SOS2: variants seen among roughly 807,000 people sequenced by gnomAD.
SOS2 encodes SOS Ras/Rho guanine nucleotide exchange factor 2, also known as son of sevenless homolog 2.
A neutral mutation model predicts 148.2 loss-of-function variants in SOS2; 65 were observed. The ratio of observed to expected loss-of-function variants is 0.44; its 90% CI spans 0.36 to 0.54. The LOEUF (loss-of-function observed/expected upper bound fraction) is 0.54, where lower values mean the gene tolerates loss of function less well. SOS2 is among the 20% of genes least tolerant of loss of function. The pLI is 0.00. For synonymous variants in SOS2, 539 were observed against 537.1 expected (o/e 1.00, Z -0.05); for missense variants, 1,341 against 1,590.2 (o/e 0.84, Z 2.67).
At chr14:50,166,325 C>CG (rs1394170433) in intron 8 of SOS2, among the ~76,000 whole-genome samples, 11 of 152,042 alleles carry the variant, frequency 7.2e-5, no homozygotes, top group Non-Finnish European at 1.5e-4. Flanking sequence ...CGGGTTCAAG[C>CG]GATCCTCCTG....
At chr14:50,148,726 T>C (rs1884573045) in intron 14 of SOS2, among the ~76,000 whole-genome samples, 1 of 152,320 alleles carries the variant, frequency 6.6e-6, no homozygotes, top group African/African-American at 2.4e-5. Flanking sequence ...AAAGTCTGGT[T>C]CTGAATGGCA....
chr14:50,168,277 C>T (rs1018797689), intron 8 of SOS2, among the ~76,000 whole-genome samples: 1 of 152,014 alleles, frequency 6.6e-6, no homozygotes, highest in Non-Finnish European at 1.5e-5. Context: ...GCTGGAGTGC[C>T]GTGGTGTGAT....
At chr14:50,129,048 G>C (rs1484611574) in intron 21 of SOS2, among the ~76,000 whole-genome samples, 1 of 152,200 alleles carries the variant, frequency 6.6e-6, no homozygotes, top group Admixed American at 6.5e-5. Flanking sequence ...TCCAGATTGA[G>C]AGAATTATAC....
At chr14:50,133,574 C>G (rs779735151) in intron 19 of SOS2, among the ~76,000 whole-genome samples, 26 of 152,152 alleles carry the variant, frequency 1.7e-4, no homozygotes, top group Non-Finnish European at 3.2e-4. Context: ...ACCTGACTTC[C>G]TGCTTCACCT....
At chr14:50,149,902 G>C in intron 14 of SOS2, 106 bp downstream of exon 14, 1 of 786,038 alleles carries the variant, frequency 1.3e-6, no homozygotes, top group Non-Finnish European at 2.2e-6. Flanking sequence ...CATGAGAGTA[G>C]ATGAGGTATT....
At position 50,174,534 on chromosome 14, in the gene SOS2, TAA is replaced by T; in HGVS notation, c.986_987del (p.Phe329Ter). ...GGAAGGACATAACGAACTGCCTCTT[TAA>T]AACCATCAGCAATGGACTGCAAAGC... ...ALHFQSIADG[F>X]KEAVRYVLPR... On this transcript the variant is annotated frameshift_variant, in exon 8 of 23. Transcript: ENST00000216373. LOFTEE classifies it high-confidence loss of function. The T allele has an allele frequency of 6.2e-7, 1 of 1,608,388 alleles. No homozygotes were observed. Among genetic ancestry groups the T allele is most frequent in the Non-Finnish European group, 8.5e-7 (1 of 1,176,128 alleles).
At chr14:50,156,503 G>A (rs955565613) in intron 12 of SOS2, 1 of 152,194 alleles carries the variant, frequency 6.6e-6, no homozygotes, top group Non-Finnish European at 1.5e-5. Context: ...CACATTTTTA[G>A]AAATTATTGC....
intron 6 of SOS2, among the ~76,000 whole-genome samples, chr14:50,181,935 G>C (rs899477667): frequency 3.3e-5 from 5 of 149,934 alleles, no homozygotes; most frequent in Admixed American, 6.7e-5. Context: ...ATCCATAGAA[G>C]GTAAAGAGCT....
chr14:50,124,517 G>A (rs904390476), intron 21 of SOS2, among the ~76,000 whole-genome samples: 2 of 152,156 alleles, frequency 1.3e-5, no homozygotes, highest in African/African-American at 4.8e-5. Flanking sequence ...ATCAAAGGGT[G>A]TGAACATTTT....
chr14:50,222,532 A>C (rs1887230077), intron 1 of SOS2, among the ~76,000 whole-genome samples: 1 of 152,218 alleles, frequency 6.6e-6, no homozygotes, highest in African/African-American at 2.4e-5. Context: ...GATAGGCTGT[A>C]AGAGAAAATC....
At chr14:50,123,380 C>CTTTTTTTT (rs34222143) in intron 21 of SOS2, among the ~76,000 whole-genome samples, 1 of 118,504 alleles carries the variant, frequency 8.4e-6, no homozygotes, top group Non-Finnish European at 1.7e-5. Flanking sequence ...CACCAGAGGG[C>CTTTTTTTT]TTTTTTTTTT....
intron 8 of SOS2, among the ~76,000 whole-genome samples, chr14:50,165,998 T>C (rs902718569): frequency 2.0e-5 from 3 of 152,168 alleles, no homozygotes; most frequent in Non-Finnish European, 2.9e-5. Flanking sequence ...CCCGTGGCTC[T>C]ACCATGACAC....
In SOS2 at chr14:50,117,952, C is replaced by G. The variant is rs751651886; in HGVS notation, c.*392G>C. 3 of 166,958 alleles carry G rather than the reference C, an allele frequency of 1.8e-5. No homozygotes were observed. Among genetic ancestry groups the G allele is most frequent in the Non-Finnish European group, 3.9e-5 (3 of 77,226 alleles). 10.3% of individuals were successfully genotyped at this position (166,958 alleles called of 1,614,324 possible). ...TTTAAAAATCAGTAACACCATATAC[C>G]CCTCCCATATTTGTGTAAATTCACT... On this transcript the variant is annotated 3_prime_UTR_variant, in exon 23 of 23. Coordinates refer to ENST00000216373, the MANE Select transcript of SOS2 (RefSeq NM_006939.4).
intron 18 of SOS2, 103 bp downstream of exon 18, chr14:50,138,509 C>T: frequency 1.9e-6 from 1 of 526,124 alleles, no homozygotes; most frequent in Non-Finnish European, 3.3e-6. Context: ...GGACTGTAGT[C>T]ACCCTGTTGT....
At position 50,145,585 on chromosome 14, in the gene SOS2, G is replaced by A. The variant is rs773672997; in HGVS notation, c.2396C>T (p.Pro799Leu). The A allele has an allele frequency of 5.7e-6, 9 of 1,591,888 alleles. No homozygotes were observed. Among genetic ancestry groups the A allele is most frequent in the South Asian group, 2.3e-5 (2 of 86,880 alleles). Residue 799 changes from proline to leucine, a missense_variant, in exon 15 of 23, where the codon CCG becomes CTG. Physicochemically the swap from Pro to Leu is moderately conservative, Grantham distance 98. Transcript: ENST00000216373. ...CCACACACTCCCTACAAGTTCAGAC[G>A]GTTGAACTTTCCTATGGAATTGAAA... ...LESDLYRKVQ[P>L]SELVGSVWTK...
At position 50,203,454 on chromosome 14, in the gene SOS2, ATTAATT is replaced by A. The variant is rs1448862250; in HGVS notation, c.213+824_213+829del. Among the ~76,000 whole-genome samples the A allele has an allele frequency of 5.3e-5, 8 of 152,270 alleles. No individual in the cohort carries two copies. In the South Asian group the frequency reaches 1.7e-3, roughly 32 times the overall value. ...AGAAAATAATACCAATTTTATTAAT[ATTAATT>A]TTATGTGCACAGGGTGCTTTTATAC... On this transcript the variant is annotated intron_variant, in intron 2 of 22. Coordinates refer to ENST00000216373, the MANE Select transcript of SOS2 (RefSeq NM_006939.4).
chr14:50,189,331 CAA>C (rs761860061), intron 4 of SOS2, among the ~76,000 whole-genome samples: 3 of 31,468 alleles, frequency 9.5e-5, no homozygotes, highest in African/African-American at 2.8e-4. Flanking sequence ...CACATAATAG[CAA>C]AAAAAAAAAA....
intron 13 of SOS2, among the ~76,000 whole-genome samples, chr14:50,152,841 T>G (rs966759586): frequency 1.1e-4 from 17 of 152,098 alleles, no homozygotes; most frequent in African/African-American, 3.9e-4. Context: ...GTCATGTGCC[T>G]GTAGTCCCAG....
Position 50,159,746 on chromosome 14 carries a change from C to G in SOS2, c.1537G>C (p.Glu513Gln), listed in dbSNP as rs1344796129. 2.2e-5 allele frequency: 36 copies of G among 1,613,754 alleles called. No homozygotes were observed. The highest frequency in any genetic ancestry group is 3.0e-5 in the Non-Finnish European group (35 of 1,179,896). The change falls in exon 10 of 23, where the codon GAA (glutamate) becomes CAA (glutamine). Residue 513 changes from glutamate (E) to glutamine (Q), a missense_variant. Coordinates refer to ENST00000216373, the MANE Select transcript of SOS2 (RefSeq NM_006939.4). ...EDTCEHKHAFELVSKDENSII... is the reference protein window; with the variant it reads ...EDTCEHKHAFQLVSKDENSII... ...CTGTTCTCATCTTTGGATACTAATTCAAATGCATGCTTGTGCTCACAAGTA... is the reference window on the plus strand; with the variant it reads ...CTGTTCTCATCTTTGGATACTAATTGAAATGCATGCTTGTGCTCACAAGTA...
Sources: gnomAD v4.1 joint callset for allele counts (sites outside exome capture counted in the v4.1 genomes callset) on GRCh38, gnomAD v4.1.1 for gene constraint, MANE v1.5 for transcripts, NCBI Gene and HGNC (gene_info 2026-07-23, HGNC 2026-07-21) for gene names.